The following DTNB variants were observed in gnomAD, a reference collection of about 807,000 sequenced individuals.
DTNB encodes the protein DTN-B.
In DTNB, 63 loss-of-function variants were observed where a neutral mutation model predicts 90.7. That is an observed-to-expected ratio of 0.69 (90% CI 0.57 to 0.86). The LOEUF (loss-of-function observed/expected upper bound fraction) is 0.86, where lower values mean the gene tolerates loss of function less well. Ranked by LOEUF, DTNB falls within the 40% of genes least tolerant of loss-of-function variation. The probability of loss-of-function intolerance (pLI) is 0.00; values close to 1 mark genes in which losing one functional copy is unlikely to be tolerated. For synonymous variants in DTNB, 277 were observed against 286.7 expected (o/e 0.97, Z 0.34); for missense variants, 744 against 807.1 (o/e 0.92, Z 0.95).
At chr2:25,662,968 A>G (rs2083566538) in intron 1 of DTNB, among the ~76,000 whole-genome samples, 1 of 152,136 alleles carries the variant, frequency 6.6e-6, no homozygotes, top group Non-Finnish European at 1.5e-5. Context: ...ATGGGTATAC[A>G]TGTGCCATGG....
At chr2:25,524,528 G>C (rs903498908) in intron 9 of DTNB, among the ~76,000 whole-genome samples, 1 of 151,030 alleles carries the variant, frequency 6.6e-6, no homozygotes, top group Non-Finnish European at 1.5e-5. Context: ...TAGAGTTGAA[G>C]ACATTTGTAG....
chr2:25,534,934 C>A (rs503594), intron 8 of DTNB, among the ~76,000 whole-genome samples: 2 of 136,032 alleles, frequency 1.5e-5, no homozygotes, highest in African/African-American at 2.8e-5. Flanking sequence ...AGATGAAGAG[C>A]GGGTGGGCAG....
intron 8 of DTNB, among the ~76,000 whole-genome samples, chr2:25,554,252 G>A (rs148818162): frequency 1.2e-3 from 185 of 152,242 alleles, no homozygotes; most frequent in South Asian, 2.1e-3. Flanking sequence ...AGGGGGATGA[G>A]GTGAGTACAC....
intron 4 of DTNB, among the ~76,000 whole-genome samples, chr2:25,627,893 C>T (rs13405103): frequency 2.7e-3 from 404 of 152,130 alleles, no homozygotes; most frequent in African/African-American, 9.2e-3. Flanking sequence ...CCCACCACCA[C>T]GCCCGGCTAA....
At chr2:25,543,085 T>C (rs962873069) in intron 8 of DTNB, among the ~76,000 whole-genome samples, 2 of 152,200 alleles carry the variant, frequency 1.3e-5, no homozygotes, top group Admixed American at 1.3e-4. Context: ...ACTTTTTAAA[T>C]ATGATAAAAA....
At chr2:25,650,093 G>A (rs2080531426) in intron 2 of DTNB, 1 of 985,438 alleles carries the variant, frequency 1.0e-6, no homozygotes, top group East Asian at 1.1e-4. Context: ...CTGTGTAAGA[G>A]TAGTAACATT....
intron 4 of DTNB, among the ~76,000 whole-genome samples, chr2:25,615,490 A>G (rs1364716284): frequency 6.6e-6 from 1 of 152,152 alleles, no homozygotes; most frequent in East Asian, 1.9e-4. Context: ...CCTTAGGACA[A>G]AAGATGCTCC....
intron 9 of DTNB, among the ~76,000 whole-genome samples, chr2:25,504,585 A>C (rs2071859828): frequency 6.6e-6 from 1 of 151,446 alleles, no homozygotes; most frequent in South Asian, 2.1e-4. Context: ...AGAAAAGAAA[A>C]GAAAGAGAAA....
chr2:25,620,156 C>T lies in DTNB; in HGVS notation c.362+8015G>A, dbSNP rs993403684. ...ATGTGGGAGCTGAGGGGGAACAAAACGCATGGCATCTGTCTGGGGAAAATG... is the reference window on the plus strand; with the variant it reads ...ATGTGGGAGCTGAGGGGGAACAAAATGCATGGCATCTGTCTGGGGAAAATG... On this transcript the variant is annotated intron_variant, in intron 4 of 20. Transcript: ENST00000406818. Among the ~76,000 whole-genome samples the T allele has an allele frequency of 3.3e-5, 5 of 152,196 alleles. No homozygotes were observed. In the East Asian group the frequency reaches 5.8e-4, roughly 18 times the overall value.
intron 9 of DTNB, among the ~76,000 whole-genome samples, chr2:25,487,652 C>T (rs1229967897): frequency 1.3e-5 from 2 of 151,996 alleles, no homozygotes; most frequent in African/African-American, 4.8e-5. Context: ...CATGGAAGGC[C>T]TCAGAGAGGA....
At chr2:25,662,493 T>C (rs900503707) in intron 1 of DTNB, among the ~76,000 whole-genome samples, 3 of 152,166 alleles carry the variant, frequency 2.0e-5, no homozygotes, top group Non-Finnish European at 4.4e-5. Flanking sequence ...ACTGGGACTA[T>C]GGTGATGTGA....
chr2:25,496,638 G>C (rs1575108351), intron 9 of DTNB, among the ~76,000 whole-genome samples: 1 of 152,134 alleles, frequency 6.6e-6, no homozygotes, highest in African/African-American at 2.4e-5. Flanking sequence ...GAGGTCAAAA[G>C]TTCAAGACGA....
In DTNB at chr2:25,584,836, C is replaced by T. The variant is rs373419939; in HGVS notation, c.604-4010G>A. ...CCTCCCAGAGTGATGGGATTACAGG[C>T]GTGAGCCACCATGCCCAGCCTCAAT... On this transcript the variant is annotated intron_variant, in intron 6 of 20. Transcript: ENST00000406818. Among the ~76,000 whole-genome samples, 116 of 152,272 alleles carry T rather than the reference C, an allele frequency of 7.6e-4. 2 individuals are homozygous for T. In the South Asian group the frequency reaches 0.023, roughly 30 times the overall value.
chr2:25,452,387 A>G (rs1220016083), intron 11 of DTNB, among the ~76,000 whole-genome samples: 3 of 152,224 alleles, frequency 2.0e-5, no homozygotes, highest in Non-Finnish European at 2.9e-5. Flanking sequence ...TCTTTAGTAT[A>G]CCAAATGCTA....
chr2:25,500,142 C>T (rs2150555190), intron 9 of DTNB, among the ~76,000 whole-genome samples: 1 of 152,258 alleles, frequency 6.6e-6, no homozygotes, highest in Admixed American at 6.5e-5. Flanking sequence ...CCTCAGCAAT[C>T]CTCCTGCCTC....
intron 16 of DTNB, among the ~76,000 whole-genome samples, chr2:25,408,375 A>G (rs746091756): frequency 6.6e-5 from 10 of 151,498 alleles, no homozygotes; most frequent in Admixed American, 5.3e-4. Flanking sequence ...ACCTCCCCCA[A>G]AAAACCAACA....
intron 1 of DTNB, among the ~76,000 whole-genome samples, chr2:25,658,337 C>T (rs1415772227): frequency 6.6e-6 from 1 of 151,908 alleles, no homozygotes; most frequent in African/African-American, 2.4e-5. Flanking sequence ...TGGGAATGCA[C>T]AAGCAGTCAC....
At chr2:25,490,132 T>A (rs761653312) in intron 9 of DTNB, among the ~76,000 whole-genome samples, 1 of 151,832 alleles carries the variant, frequency 6.6e-6, no homozygotes, top group Non-Finnish European at 1.5e-5. Flanking sequence ...AAAAATCAGC[T>A]AGGTGTGGTG....
rs187343845 is a variant in DTNB, at chr2:25,516,734, A to G, written c.1001+14739T>C. 4.1e-3 allele frequency among the ~76,000 whole-genome samples: 629 copies of G among 151,940 alleles called. 7 individuals carry two copies. The highest frequency in any genetic ancestry group is 7.3e-3 in the Admixed American group (112 of 15,264). Reference sequence around the variant, plus strand: ...GTGAAACCCCGTCTCTACTAAAAATACAAAAATTAGCTGGGCGTGGTGGTG... The same window carrying G: ...GTGAAACCCCGTCTCTACTAAAAATGCAAAAATTAGCTGGGCGTGGTGGTG... On this transcript the variant is annotated intron_variant, in intron 9 of 20. Coordinates refer to ENST00000406818, the MANE Select transcript of DTNB (RefSeq NM_021907.5).
Sources: gnomAD v4.1 joint callset for allele counts (sites outside exome capture counted in the v4.1 genomes callset) on GRCh38, gnomAD v4.1.1 for gene constraint, MANE v1.5 for transcripts, NCBI Gene and HGNC (gene_info 2026-07-23, HGNC 2026-07-21) for gene names.